Variants in LMF1 observed in about 807,000 individuals in gnomAD.
LMF1 encodes transmembrane protein 112.
Under a neutral mutation model 60.6 loss-of-function variants are expected in LMF1, and 68 were observed. The ratio of observed to expected loss-of-function variants is 1.12; its 90% confidence interval spans 0.92 to 1.37. The LOEUF is 1.37. Among genes scored for constraint, LMF1 ranks in the 40% most tolerant of loss-of-function variants. The pLI is 0.00. For synonymous variants in LMF1, 418 were observed against 324.7 expected (o/e 1.29, Z -3.09); for missense variants, 948 against 767.2 (o/e 1.24, Z -2.78).
At chr16:895,286 G>A (rs1251258274) in intron 4 of LMF1, among the ~76,000 whole-genome samples, 1 of 152,158 alleles carries the variant, frequency 6.6e-6, no homozygotes, top group Non-Finnish European at 1.5e-5. Context: ...TCAGCCTCGG[G>A]CTCCCAGTAG....
intron 3 of LMF1, among the ~76,000 whole-genome samples, chr16:912,956 C>T (rs2071162921): frequency 6.6e-6 from 1 of 152,258 alleles, no homozygotes; most frequent in African/African-American, 2.4e-5. Context: ...ACAGCTCTCA[C>T]CCAGCAAACA....
chr16:941,459 G>A (rs988944541), intron 2 of LMF1, among the ~76,000 whole-genome samples: 3 of 152,204 alleles, frequency 2.0e-5, no homozygotes, highest in African/African-American at 7.2e-5. Context: ...ATGACCTCAG[G>A]TGATCTGCCT....
chr16:943,713 T>TGAGAC, intron 2 of LMF1, among the ~76,000 whole-genome samples: 1 of 115,102 alleles, frequency 8.7e-6, no homozygotes, highest in Non-Finnish European at 1.6e-5. Flanking sequence ...GGGGACAGAA[T>TGAGAC]GAGACTCTGT....
intron 10 of LMF1, among the ~76,000 whole-genome samples, chr16:857,938 C>A (rs866135953): frequency 8.9e-3 from 57 of 6,398 alleles, no homozygotes; most frequent in African/African-American, 0.047. Flanking sequence ...GATGGGTGTG[C>A]GTGGTGTCTC....
chr16:933,944 C>G, intron 3 of LMF1: 2 of 1,399,308 alleles, frequency 1.4e-6, no homozygotes, highest in Non-Finnish European at 1.9e-6. Context: ...GGGGGATGGG[C>G]CTGTGGGTGC....
chr16:934,310 C>G, intron 2 of LMF1, 56 bp from the exon 3 acceptor site: 1 of 1,594,408 alleles, frequency 6.3e-7, no homozygotes, highest in Non-Finnish European at 8.5e-7. Context: ...CAACCAAAAA[C>G]CCACTGTTTC....
At chr16:882,825 A>G (rs1190311416) in intron 5 of LMF1, among the ~76,000 whole-genome samples, 1 of 142,166 alleles carries the variant, frequency 7.0e-6, no homozygotes, top group Non-Finnish European at 1.5e-5. Context: ...AGCCTATCAC[A>G]GGACCAGGAG....
At position 874,350 on chromosome 16, in the gene LMF1, AGGGCG is replaced by A. The variant is rs1016253120; in HGVS notation, c.898-3014_898-3010del. 4.5e-4 allele frequency among the ~76,000 whole-genome samples: 45 copies of A among 99,068 alleles called. No individual in the cohort carries two copies. Among genetic ancestry groups the A allele is most frequent in the African/African-American group, 1.5e-3 (42 of 27,164 alleles). The allele number at this position is 99,068 out of a possible 152,430, so 65.0% of individuals were successfully genotyped here. On this transcript the variant is annotated intron_variant, in intron 6 of 10. Transcript: ENST00000262301. This position sits in a 1 kb window ranked among gnomAD's most constrained non-coding sequence, Gnocchi z 4.1. Reference sequence around the variant, plus strand: ...CCACAGGGCAAGGAGCCCTTTGGGCAGGGCGGGGTGGGGTGGGGCCGGACAGCCCG... The same window carrying A: ...CCACAGGGCAAGGAGCCCTTTGGGCAGGGTGGGGTGGGGCCGGACAGCCCG...
rs991525872 is a variant in LMF1, at chr16:878,876, C to T, written c.897+694G>A. On this transcript the variant is annotated intron_variant, in intron 6 of 10. Transcript: ENST00000262301. This position sits in a 1 kb window ranked among gnomAD's most constrained non-coding sequence, Gnocchi z 5.2. The stretch of plus-strand genomic sequence containing the variant: ...TATGTTACACCTCCATTGAAACAAT[C>T]GAGAGAGAGAACCACCTTTAAAATC... Among the ~76,000 whole-genome samples, 4 of 152,136 alleles carry T rather than the reference C, an allele frequency of 2.6e-5. No homozygotes were observed. The highest frequency in any genetic ancestry group is 7.2e-5 in the African/African-American group (3 of 41,416).
At chr16:915,841 T>G (rs576392753) in intron 3 of LMF1, among the ~76,000 whole-genome samples, 43 of 151,334 alleles carry the variant, frequency 2.8e-4, no homozygotes, top group Non-Finnish European at 5.2e-4. Context: ...GCAGGTGAGA[T>G]GCAGGGGCCG....
intron 4 of LMF1, among the ~76,000 whole-genome samples, chr16:910,649 G>A (rs949531548): frequency 1.1e-4 from 16 of 152,136 alleles, no homozygotes; most frequent in African/African-American, 2.4e-4. Flanking sequence ...GAAGCAGGGC[G>A]TCCAGTGCTC....
intron 5 of LMF1, among the ~76,000 whole-genome samples, chr16:889,740 T>A (rs1014456395): frequency 6.6e-6 from 1 of 152,152 alleles, no homozygotes; most frequent in Non-Finnish European, 1.5e-5. Context: ...CCTGCCACCT[T>A]CCGGAATCAG....
intron 3 of LMF1, among the ~76,000 whole-genome samples, chr16:930,851 T>A (rs2071761290): frequency 6.6e-6 from 1 of 152,116 alleles, no homozygotes; most frequent in East Asian, 1.9e-4. Flanking sequence ...CCGGGCGCAA[T>A]GGCTCATGCC....
chr16:868,125 G>C (rs973676168), intron 10 of LMF1, among the ~76,000 whole-genome samples: 2 of 152,094 alleles, frequency 1.3e-5, no homozygotes, highest in East Asian at 3.9e-4. Flanking sequence ...TGTGGGGCAG[G>C]GGATACAAAC....
intron 10 of LMF1, chr16:854,933 G>A (rs570075010): frequency 6.1e-5 from 36 of 591,692 alleles, no homozygotes; most frequent in South Asian, 2.6e-4. Context: ...GGGGAAGGGC[G>A]GACGGGGGGC....
intron 3 of LMF1, chr16:931,833 G>C: frequency 7.9e-7 from 1 of 1,271,884 alleles, no homozygotes; most frequent in Non-Finnish European, 1.0e-6. Context: ...GGCTCACGAG[G>C]GCTCTCAGGC....
intron 2 of LMF1, among the ~76,000 whole-genome samples, chr16:935,332 C>T (rs115501938): frequency 0.063 from 9,572 of 152,084 alleles, 312 homozygotes; most frequent in Non-Finnish European, 0.073. Flanking sequence ...TAGACTCAGG[C>T]GATCCTCCTG....
chr16:946,240 T>C (rs1016654154), intron 2 of LMF1, among the ~76,000 whole-genome samples: 5 of 152,208 alleles, frequency 3.3e-5, no homozygotes, highest in African/African-American at 1.2e-4. Context: ...GCCAGCCCCA[T>C]GTGCCGCAGC....
intron 9 of LMF1, 33 bp from the exon 10 acceptor site, chr16:869,089 G>T: frequency 7.2e-7 from 1 of 1,396,986 alleles, no homozygotes; most frequent in Non-Finnish European, 1.0e-6. Context: ...AGACGGCTGT[G>T]CCACTCGCTG....
Sources: gnomAD v4.1 joint callset for allele counts (sites outside exome capture counted in the v4.1 genomes callset) on GRCh38, gnomAD v4.1.1 for gene constraint, Gnocchi (gnomAD v3.1) non-coding constraint, MANE v1.5 for transcripts, NCBI Gene and HGNC (gene_info 2026-07-23, HGNC 2026-07-21) for gene names.